The following KHDRBS2 variants were observed in gnomAD, a reference collection of about 807,000 sequenced individuals.
KHDRBS2 encodes the protein KH domain-containing, RNA-binding, signal transduction-associated protein 2.
In KHDRBS2, 26 loss-of-function variants were observed where a neutral mutation model predicts 44.3. The ratio of observed to expected loss-of-function variants is 0.59; its 90% CI spans 0.43 to 0.81. The LOEUF is 0.81. Among genes scored for constraint, KHDRBS2 ranks in the 40% least tolerant of loss-of-function variants. The pLI, the probability that KHDRBS2 is intolerant of heterozygous loss-of-function variation, is 0.00. For missense variants in KHDRBS2, 476 were observed against 433.1 expected, an observed-to-expected ratio of 1.10 and a Z score of -0.88; for synonymous variants, 194 against 151.1, an observed-to-expected ratio of 1.28 and a Z score of -2.08.
At chr6:62,109,610 TA>T (rs1804519216) in intron 2 of KHDRBS2, among the ~76,000 whole-genome samples, 1 of 151,878 alleles carries the variant, frequency 6.6e-6, no homozygotes, top group Admixed American at 6.6e-5. Flanking sequence ...GATCAATATA[TA>T]AAAGATCATA....
intron 2 of KHDRBS2, among the ~76,000 whole-genome samples, chr6:62,149,054 T>C (rs1382374156): frequency 6.6e-6 from 1 of 152,060 alleles, no homozygotes. Context: ...TAGATTTCCT[T>C]TGAAAAAAGA....
intron 4 of KHDRBS2, among the ~76,000 whole-genome samples, chr6:61,946,555 A>T (rs1247270677): frequency 6.6e-6 from 1 of 152,174 alleles, no homozygotes; most frequent in Non-Finnish European, 1.5e-5. Context: ...CCGGGCAAGA[A>T]TAAAAACTTA....
chr6:62,150,266 G>A (rs1267021360), intron 2 of KHDRBS2, among the ~76,000 whole-genome samples: 3 of 150,782 alleles, frequency 2.0e-5, no homozygotes, highest in Non-Finnish European at 4.4e-5. Flanking sequence ...TGTGGCTGGT[G>A]ACAGTTGATG....
At chr6:62,068,741 G>T (rs1696822022) in intron 2 of KHDRBS2, among the ~76,000 whole-genome samples, 1 of 151,400 alleles carries the variant, frequency 6.6e-6, no homozygotes, top group Non-Finnish European at 1.5e-5. Flanking sequence ...AGTACCATTT[G>T]TTGAAAACAC....
chr6:62,087,661 T>C (rs1742255835), intron 2 of KHDRBS2, among the ~76,000 whole-genome samples: 1 of 152,170 alleles, frequency 6.6e-6, no homozygotes, highest in Non-Finnish European at 1.5e-5. Flanking sequence ...AATCTGATCA[T>C]TATGTGTCTT....
rs1782086304 is a variant in KHDRBS2 at position 62,020,609 on chromosome 6, C to T, written c.336+27269G>A. On this transcript the variant is annotated intron_variant, in intron 3 of 8. Coordinates refer to ENST00000281156, the MANE Select transcript of KHDRBS2 (RefSeq NM_152688.4). The stretch of plus-strand genomic sequence containing the variant: ...CTTTTGACAGTTTTTGCTTCATGTA[C>T]TTTGTGGCTGTCTTTATGTGCGTAA... Among the ~76,000 whole-genome samples the T allele has an allele frequency of 2.0e-5, 3 of 152,008 alleles. No individual in the cohort carries two copies. The South Asian group carries it at 6.2e-4, about 32-fold the overall frequency.
intron 6 of KHDRBS2, among the ~76,000 whole-genome samples, chr6:61,808,129 A>G (rs1787462711): frequency 1.3e-5 from 2 of 152,172 alleles, no homozygotes; most frequent in South Asian, 4.1e-4. Flanking sequence ...GCTTTATTTA[A>G]AATGATTTTA....
intron 6 of KHDRBS2, among the ~76,000 whole-genome samples, chr6:61,882,793 AG>A (rs908792591): frequency 5.3e-5 from 8 of 152,054 alleles, no homozygotes; most frequent in Non-Finnish European, 8.8e-5. Flanking sequence ...AATGTGGAAA[AG>A]ATCTCAATCC....
intron 2 of KHDRBS2, among the ~76,000 whole-genome samples, chr6:62,061,733 T>A (rs1023088355): frequency 1.3e-5 from 2 of 150,414 alleles, no homozygotes; most frequent in African/African-American, 4.9e-5. Flanking sequence ...CTTGCTAGAT[T>A]GGGGAAGTTC....
At chr6:61,591,592 T>G in the KHDRBS2 span, among the ~76,000 whole-genome samples, 4 of 152,218 alleles carry the variant, frequency 2.6e-5, no homozygotes, top group African/African-American at 9.6e-5. Context: ...TTTCCCTTAC[T>G]TGATCAAGCA....
At chr6:61,659,174 G>A in the KHDRBS2 span, 1 of 151,666 alleles carries the variant, frequency 6.6e-6, no homozygotes, top group Non-Finnish European at 1.5e-5. Flanking sequence ...AAAAATAGAA[G>A]AAAATATGTT....
chr6:62,034,140 C>A (rs1784831761), intron 3 of KHDRBS2, among the ~76,000 whole-genome samples: 4 of 151,718 alleles, frequency 2.6e-5, no homozygotes, highest in South Asian at 4.1e-4. Context: ...CCTAAAAAGA[C>A]CAACAACAAG....
chr6:62,153,166 T>G (rs1815593072), intron 2 of KHDRBS2, among the ~76,000 whole-genome samples: 1 of 152,198 alleles, frequency 6.6e-6, no homozygotes, highest in African/African-American at 2.4e-5. Context: ...CTTAAATTAA[T>G]TACCATAAAC....
intron 2 of KHDRBS2, among the ~76,000 whole-genome samples, chr6:62,140,147 A>G (rs1225149663): frequency 2.0e-5 from 3 of 152,188 alleles, no homozygotes; most frequent in African/African-American, 7.2e-5. Flanking sequence ...GTTTCCAATA[A>G]AAATTCCAAA....
intron 2 of KHDRBS2, among the ~76,000 whole-genome samples, chr6:62,143,415 T>A (rs1199509615): frequency 6.6e-6 from 1 of 152,066 alleles, no homozygotes; most frequent in Non-Finnish European, 1.5e-5. Context: ...ATATATTTAA[T>A]AGACAAAGAC....
chr6:62,072,681 G>C (rs1400441644), intron 2 of KHDRBS2, among the ~76,000 whole-genome samples: 2 of 152,130 alleles, frequency 1.3e-5, no homozygotes, highest in African/African-American at 4.8e-5. Context: ...TTGCATCCCA[G>C]GGATGAAGTC....
rs529399807 is a variant in KHDRBS2 at position 62,271,517 on chromosome 6, G to C, written c.91+14341C>G. Among the ~76,000 whole-genome samples, 3 of 152,230 alleles carry C rather than the reference G, an allele frequency of 2.0e-5. No individual in the cohort carries two copies. In the South Asian group the frequency reaches 6.2e-4, roughly 32 times the overall value. On this transcript the variant is annotated intron_variant, in intron 1 of 8. Coordinates refer to ENST00000281156, the MANE Select transcript of KHDRBS2 (RefSeq NM_152688.4). ...AACTTACATATTTTAAAAATTACTTGTTAAACAGGCTCAGGCAGATCCATC... is the reference window on the plus strand; with the variant it reads ...AACTTACATATTTTAAAAATTACTTCTTAAACAGGCTCAGGCAGATCCATC...
At chr6:62,247,110 T>G (rs1835709441) in intron 1 of KHDRBS2, among the ~76,000 whole-genome samples, 1 of 152,008 alleles carries the variant, frequency 6.6e-6, no homozygotes, top group Non-Finnish European at 1.5e-5. Flanking sequence ...GTCTCACACC[T>G]GTGGATACCA....
At chr6:61,938,691 G>T (rs1364587334) in intron 4 of KHDRBS2, among the ~76,000 whole-genome samples, 1 of 152,048 alleles carries the variant, frequency 6.6e-6, no homozygotes, top group Non-Finnish European at 1.5e-5. Context: ...GAAAACAAAG[G>T]AAAACCAACA....
Sources: allele counts gnomAD v4.1 joint callset (sites outside exome capture counted in the v4.1 genomes callset), GRCh38; gene constraint gnomAD v4.1.1; transcripts MANE v1.5; gene names NCBI Gene and HGNC (gene_info 2026-07-23, HGNC 2026-07-21).